JADE3: variants seen among roughly 807,000 people sequenced by gnomAD.
JADE3 encodes jade family PHD finger 3.
Under a neutral mutation model 50.1 loss-of-function variants are expected in JADE3, and 2 were observed. That is an observed-to-expected ratio of 0.04 (90% CI 0.02 to 0.13). The LOEUF is 0.13. Ranked by LOEUF, JADE3 falls within the 10% of genes least tolerant of loss-of-function variation. The probability of loss-of-function intolerance (pLI) is 1.00; values close to 1 mark genes in which losing one functional copy is unlikely to be tolerated. For synonymous variants in JADE3, 218 were observed against 232.9 expected, an observed-to-expected ratio of 0.94 and a Z score of 0.58; for missense variants, 475 against 634.4, an observed-to-expected ratio of 0.75 and a Z score of 2.70.
At chrX:46,976,452 A>C (rs1216550005) in intron 1 of JADE3, among the ~76,000 whole-genome samples, 1 of 112,036 alleles carries the variant, frequency 8.9e-6, no homozygotes, top group Non-Finnish European at 1.9e-5. Flanking sequence ...CTGTGCTGTT[A>C]ATTATTGTAC....
intron 4 of JADE3, among the ~76,000 whole-genome samples, chrX:47,021,328 A>C (rs1556364399): frequency 9.0e-6 from 1 of 111,544 alleles, no homozygotes. Context: ...CATTGTGTGA[A>C]TATGCCACAT....
chrX:46,938,246 C>CT (rs1195883223), intron 1 of JADE3, among the ~76,000 whole-genome samples: 21 of 111,154 alleles, frequency 1.9e-4, no homozygotes, highest in African/African-American at 2.6e-4. Flanking sequence ...TTTATTTCCT[C>CT]TTTTTTCCCA....
chrX:46,980,033 C>T lies in JADE3; in HGVS notation c.-11-4851C>T, dbSNP rs781903942. Among the ~76,000 whole-genome samples the T allele has an allele frequency of 3.7e-5, 4 of 108,694 alleles. No homozygotes were observed. In the East Asian group the frequency reaches 1.2e-3, roughly 31 times the overall value. The allele number at this position is 108,694 out of a possible 115,157, so 94.4% of individuals were successfully genotyped here. ...TAGCTGGGATTACAGGTGCATGCCACCACACCCAGCTAATTTTTGTATTTT... is the reference window on the plus strand; with the variant it reads ...TAGCTGGGATTACAGGTGCATGCCATCACACCCAGCTAATTTTTGTATTTT... On this transcript the variant is annotated intron_variant, in intron 1 of 10. Coordinates refer to ENST00000614628, the MANE Select transcript of JADE3 (RefSeq NM_014735.5).
chrX:46,950,896 A>G (rs1926987027), intron 1 of JADE3, among the ~76,000 whole-genome samples: 1 of 109,544 alleles, frequency 9.1e-6, no homozygotes, highest in Admixed American at 9.7e-5. Flanking sequence ...TTCTAGTTCT[A>G]TTTATTACCA....
chrX:46,954,959 A>G (rs1437791700), intron 1 of JADE3, among the ~76,000 whole-genome samples: 2 of 112,647 alleles, frequency 1.8e-5, no homozygotes, highest in African/African-American at 6.4e-5. Context: ...CCTTCTAGGC[A>G]TATATTAACT....
At chrX:46,969,133 C>T (rs1211562100) in intron 1 of JADE3, among the ~76,000 whole-genome samples, 4 of 112,762 alleles carry the variant, frequency 3.5e-5, no homozygotes, top group South Asian at 3.6e-4. Context: ...AACAGAAAGA[C>T]GGCTGGGTGT....
intron 4 of JADE3, among the ~76,000 whole-genome samples, chrX:47,008,811 T>G (rs1928494893): frequency 9.0e-6 from 1 of 111,201 alleles, no homozygotes; most frequent in Non-Finnish European, 1.9e-5. Context: ...TTGGGGGTGA[T>G]GGACACATTA....
intron 4 of JADE3, among the ~76,000 whole-genome samples, chrX:47,007,757 A>G (rs1387282407): frequency 9.2e-6 from 1 of 108,805 alleles, no homozygotes; most frequent in Non-Finnish European, 1.9e-5. Context: ...TAGACCACTT[A>G]TATTTGATGC....
chrX:46,968,822 C>G (rs1475410080), intron 1 of JADE3, among the ~76,000 whole-genome samples: 2 of 110,402 alleles, frequency 1.8e-5, no homozygotes, highest in East Asian at 5.7e-4. Context: ...ATAGACAAAC[C>G]CAAACCCACA....
chrX:46,928,928 T>A lies in JADE3; in HGVS notation c.-12+16209T>A, dbSNP rs563060762. ...CTCCCCAGCTGCATGTAGCGTGATC[T>A]AATGGCTATATACTTCCTGTGGAAA... On this transcript the variant is annotated intron_variant, in intron 1 of 10. Transcript: ENST00000614628. Among the ~76,000 whole-genome samples the A allele has an allele frequency of 6.2e-4, 70 of 112,152 alleles. 1 individual carries two copies. The South Asian group carries it at 0.025, about 41-fold the overall frequency.
chrX:47,033,671 C>T lies in JADE3; in HGVS notation c.738C>T (p.Ser246=), dbSNP rs782800069. The T allele has an allele frequency of 2.5e-5, 30 of 1,206,779 alleles. No homozygotes were observed. In the South Asian group the frequency reaches 3.2e-4, roughly 13 times the overall value. ...CAGAAGGCAGCTGGCTGTGTCGCTCCTGTGTCCTGGGCATTTATCCGCAAT... is the reference window on the plus strand; with the variant it reads ...CAGAAGGCAGCTGGCTGTGTCGCTCTTGTGTCCTGGGCATTTATCCGCAAT... ...KVPEGSWLCR[S]CVLGIYPQCV... Residue 246 remains serine, a synonymous_variant, in exon 7 of 11, where the codon TCC becomes TCT. Coordinates refer to ENST00000614628, the MANE Select transcript of JADE3 (RefSeq NM_014735.5).
chrX:47,037,455 A>G (rs1929159094), intron 7 of JADE3, among the ~76,000 whole-genome samples: 2 of 111,698 alleles, frequency 1.8e-5, no homozygotes, highest in Non-Finnish European at 3.8e-5. Context: ...AGTTACTTTC[A>G]GTAGCTTTCT....
intron 10 of JADE3, 38 bp downstream of exon 10, chrX:47,056,237 G>A (rs1163488723): frequency 1.4e-6 from 1 of 729,637 alleles, no homozygotes; most frequent in African/African-American, 2.1e-5. Flanking sequence ...CAAATATGTA[G>A]ACTCTGGTTA....
chrX:47,019,428 A>C (rs1928746084), intron 4 of JADE3, among the ~76,000 whole-genome samples: 1 of 111,325 alleles, frequency 9.0e-6, no homozygotes, highest in African/African-American at 3.3e-5. Context: ...TCTGTCACCC[A>C]GGCTGGAGTG....
chrX:46,917,862 T>TCTCTCTCTCTCTCTCTCTCTCTCATC (rs1926135446), intron 1 of JADE3, among the ~76,000 whole-genome samples: 1 of 71,605 alleles, frequency 1.4e-5, no homozygotes, highest in Non-Finnish European at 2.6e-5. Context: ...TCTCATCCTC[T>TCTCTCTCTCTCTCTCTCTCTCTCATC]CTCTCTCTCT....
chrX:47,058,117 A>C (rs1046326149), intron 10 of JADE3, 50 bp from the exon 11 acceptor site: 8 of 1,060,334 alleles, frequency 7.5e-6, no homozygotes, highest in Non-Finnish European at 1.0e-5. Context: ...TAAGCACAAA[A>C]GCCATTATTT....
chrX:46,914,583 C>T (rs11798589), intron 1 of JADE3, among the ~76,000 whole-genome samples: 54 of 112,167 alleles, frequency 4.8e-4, no homozygotes, highest in Non-Finnish European at 8.3e-4. Context: ...ATTCAACTTT[C>T]AATCGATGTT....
At chrX:46,923,335 T>C (rs1926267583) in intron 1 of JADE3, among the ~76,000 whole-genome samples, 1 of 106,375 alleles carries the variant, frequency 9.4e-6, no homozygotes, top group Non-Finnish European at 1.9e-5. Context: ...TGTTTGATAT[T>C]GGGTTTGTTT....
At chrX:46,952,059 T>A (rs993908845) in intron 1 of JADE3, among the ~76,000 whole-genome samples, 30 of 111,490 alleles carry the variant, frequency 2.7e-4, no homozygotes, top group African/African-American at 9.5e-4. Context: ...CCACCATGCA[T>A]GGCAATCTGA....
Sources: allele counts gnomAD v4.1 joint callset (sites outside exome capture counted in the v4.1 genomes callset), GRCh38; gene constraint gnomAD v4.1.1; transcripts MANE v1.5; gene names NCBI Gene and HGNC (gene_info 2026-07-23, HGNC 2026-07-21).